UST: variants seen among roughly 807,000 people sequenced by gnomAD.
UST encodes uronyl 2-sulfotransferase.
Under a neutral mutation model 45.6 loss-of-function variants are expected in UST, and 21 were observed. That is an observed-to-expected ratio of 0.46 (90% CI 0.33 to 0.66). The LOEUF (loss-of-function observed/expected upper bound fraction) is 0.66, where lower values mean the gene tolerates loss of function less well. Ranked by LOEUF, UST falls within the 30% of genes least tolerant of loss-of-function variation. The probability of loss-of-function intolerance (pLI) is 0.02; values close to 1 mark genes in which losing one functional copy is unlikely to be tolerated. For synonymous variants in UST, 215 were observed against 200.6 expected (o/e 1.07, Z -0.61); for missense variants, 463 against 512.4 (o/e 0.90, Z 0.93).
intron 7 of UST, among the ~76,000 whole-genome samples, chr6:149,030,211 G>A (rs553058762): frequency 3.3e-5 from 5 of 152,004 alleles, no homozygotes; most frequent in South Asian, 4.1e-4. Context: ...TGACATTCAC[G>A]CTTCTGTCCC....
chr6:148,780,343 C>T (rs371513421), intron 1 of UST, among the ~76,000 whole-genome samples: 5 of 152,096 alleles, frequency 3.3e-5, no homozygotes, highest in South Asian at 4.2e-4. Flanking sequence ...TAGGTAAACG[C>T]GTGTCATGGG....
chr6:148,854,731 G>T (rs527505265), intron 1 of UST, among the ~76,000 whole-genome samples: 2 of 152,230 alleles, frequency 1.3e-5, no homozygotes, highest in East Asian at 3.9e-4. Context: ...ATATGGATGG[G>T]GTGAGATCAT....
chr6:148,867,779 A>G lies in UST; in HGVS notation c.248-19207A>G, dbSNP rs75703940. The stretch of plus-strand genomic sequence containing the variant: ...TTTTCTTTATAAATTATCCAGTCTC[A>G]GGTATGTCTTTATCAGCACCATGAG... On this transcript the variant is annotated intron_variant, in intron 1 of 7. Coordinates refer to ENST00000367463, the MANE Select transcript of UST (RefSeq NM_005715.3). Among the ~76,000 whole-genome samples the G allele has an allele frequency of 7.4e-4, 112 of 152,266 alleles. 2 individuals carry two copies. The East Asian group carries it at 0.016, about 22-fold the overall frequency.
chr6:149,013,536 AG>A (rs1717882313), intron 5 of UST, among the ~76,000 whole-genome samples: 1 of 151,590 alleles, frequency 6.6e-6, no homozygotes, highest in Non-Finnish European at 1.5e-5. Flanking sequence ...CAAAAAAAAA[AG>A]AGAAAAAAAA....
At chr6:148,833,486 G>GA (rs1357416614) in intron 1 of UST, among the ~76,000 whole-genome samples, 2 of 152,000 alleles carry the variant, frequency 1.3e-5, no homozygotes, top group Non-Finnish European at 2.9e-5. Flanking sequence ...GACCCTATCT[G>GA]AAAAAACAAA....
At chr6:148,772,115 T>C (rs141663617) in intron 1 of UST, among the ~76,000 whole-genome samples, 154 of 152,352 alleles carry the variant, frequency 1.0e-3, no homozygotes, top group Non-Finnish European at 1.8e-3. Flanking sequence ...CCTGGGGAGC[T>C]GAACCTTTAC....
At chr6:148,764,682 T>A (rs1776286842) in intron 1 of UST, among the ~76,000 whole-genome samples, 1 of 152,138 alleles carries the variant, frequency 6.6e-6, no homozygotes, top group Non-Finnish European at 1.5e-5. Context: ...AAGTTTTTAT[T>A]AGCAGTTTTC....
chr6:149,022,011 G>T (rs1247105624), intron 7 of UST, among the ~76,000 whole-genome samples: 3 of 152,334 alleles, frequency 2.0e-5, no homozygotes, highest in African/African-American at 7.2e-5. Context: ...ATACAATTAT[G>T]ATTTTATCCT....
intron 2 of UST, among the ~76,000 whole-genome samples, chr6:148,932,684 A>C (rs538439857): frequency 1.1e-3 from 167 of 152,332 alleles, no homozygotes; most frequent in Non-Finnish European, 2.0e-3. Context: ...ATGGTAGCTT[A>C]ATCATTACAT....
intron 5 of UST, among the ~76,000 whole-genome samples, chr6:148,976,244 T>C (rs1335912695): frequency 6.6e-6 from 1 of 152,186 alleles, no homozygotes; most frequent in African/African-American, 2.4e-5. Flanking sequence ...AGTGGTATGC[T>C]CATAAATGTT....
intron 1 of UST, among the ~76,000 whole-genome samples, chr6:148,855,606 A>G (rs972065502): frequency 6.6e-6 from 1 of 152,214 alleles, no homozygotes; most frequent in African/African-American, 2.4e-5. Context: ...AAAGGATCCA[A>G]GGAAGGTGGG....
Position 148,824,116 on chromosome 6 carries a change from A to G in UST, c.248-62870A>G, listed in dbSNP as rs146171445. ...AGAATTTTTCCACTGCAACTCAACT[A>G]TTAGGCTTGTTAGGAGCATCTGAGT... On this transcript the variant is annotated intron_variant, in intron 1 of 7. Coordinates refer to ENST00000367463, the MANE Select transcript of UST (RefSeq NM_005715.3). Among the ~76,000 whole-genome samples the G allele has an allele frequency of 4.2e-3, 641 of 152,324 alleles. 7 individuals carry two copies. The highest frequency in any genetic ancestry group is 0.014 in the African/African-American group (584 of 41,572).
chr6:148,891,441 A>T (rs1276574519), intron 2 of UST, among the ~76,000 whole-genome samples: 1 of 152,244 alleles, frequency 6.6e-6, no homozygotes, highest in African/African-American at 2.4e-5. Flanking sequence ...TGTGTGCCAC[A>T]CACTATGCTA....
At chr6:148,980,135 A>C (rs994705199) in intron 5 of UST, among the ~76,000 whole-genome samples, 1 of 152,180 alleles carries the variant, frequency 6.6e-6, no homozygotes, top group Non-Finnish European at 1.5e-5. Flanking sequence ...AGTTTCGTAC[A>C]TCTTGCCTAA....
intron 3 of UST, 50 bp downstream of exon 3, chr6:148,941,484 G>T: frequency 3.9e-6 from 6 of 1,539,980 alleles, no homozygotes; most frequent in Non-Finnish European, 5.2e-6. Flanking sequence ...CAGCTCATTT[G>T]TGTAACTAGT....
At chr6:148,953,553 C>A (rs879894634) in intron 3 of UST, among the ~76,000 whole-genome samples, 4 of 152,038 alleles carry the variant, frequency 2.6e-5, no homozygotes, top group African/African-American at 9.7e-5. Flanking sequence ...GAGGCCGAGG[C>A]GGGCGGATCA....
At chr6:148,882,911 G>A (rs974791398) in intron 1 of UST, among the ~76,000 whole-genome samples, 5 of 152,206 alleles carry the variant, frequency 3.3e-5, no homozygotes, top group African/African-American at 1.2e-4. Flanking sequence ...AGAATAGGAG[G>A]TGCTCTGTAA....
chr6:148,976,511 G>A (rs1000300050), intron 5 of UST, among the ~76,000 whole-genome samples: 3 of 152,132 alleles, frequency 2.0e-5, no homozygotes, highest in Non-Finnish European at 4.4e-5. Context: ...CGGGAGCGTG[G>A]TCCATCTTGT....
At chr6:148,810,796 TG>T (rs1358963476) in intron 1 of UST, among the ~76,000 whole-genome samples, 3 of 152,230 alleles carry the variant, frequency 2.0e-5, no homozygotes, top group Non-Finnish European at 4.4e-5. Context: ...AACCTGACTC[TG>T]GTGTTAAAAC....
Sources: allele counts gnomAD v4.1 joint callset (sites outside exome capture counted in the v4.1 genomes callset), GRCh38; gene constraint gnomAD v4.1.1; transcripts MANE v1.5; gene names NCBI Gene and HGNC (gene_info 2026-07-23, HGNC 2026-07-21).